RAPGEF6: variants seen among roughly 807,000 people sequenced by gnomAD.
RAPGEF6 encodes the protein PDZ domain containing guanine nucleotide exchange factor (GEF) 2.
A neutral mutation model predicts 171.4 loss-of-function variants in RAPGEF6; 56 were observed. That is an observed-to-expected ratio of 0.33 (90% CI 0.26 to 0.41). The LOEUF is 0.41. Among genes scored for constraint, RAPGEF6 ranks in the 10% least tolerant of loss-of-function variants. RAPGEF6 has a pLI of 1.00. For missense variants in RAPGEF6, 1,674 were observed against 1,921.4 expected, an observed-to-expected ratio of 0.87 and a Z score of 2.41; for synonymous variants, 692 against 650.1, an observed-to-expected ratio of 1.06 and a Z score of -0.98.
intron 13 of RAPGEF6, among the ~76,000 whole-genome samples, chr5:131,493,129 A>C (rs2149874952): frequency 6.6e-6 from 1 of 152,150 alleles, no homozygotes; most frequent in East Asian, 1.9e-4. Flanking sequence ...CAGTGGCGCG[A>C]TCTCGACTCA....
intron 1 of RAPGEF6, among the ~76,000 whole-genome samples, chr5:131,621,198 T>A (rs1354979291): frequency 2.2e-4 from 34 of 152,244 alleles, no homozygotes; most frequent in Admixed American, 2.2e-3. Context: ...AGAGCCTTTG[T>A]GGATATCAAA....
Position 131,552,521 on chromosome 5 carries a change from C to T in RAPGEF6, c.352-4331G>A, listed in dbSNP as rs189909642. Reference sequence around the variant, plus strand: ...TGTCACCCAGGCTGGAGTGCAATGGCGCAATCTTGGCCCACTGCAACCTTC... The same window carrying T: ...TGTCACCCAGGCTGGAGTGCAATGGTGCAATCTTGGCCCACTGCAACCTTC... On this transcript the variant is annotated intron_variant, in intron 5 of 27. Transcript: ENST00000509018. 3.2e-4 allele frequency among the ~76,000 whole-genome samples: 48 copies of T among 149,458 alleles called. No homozygotes were observed. The East Asian group carries it at 6.9e-3, about 21-fold the overall frequency.
At chr5:131,511,109 A>AAT (rs1473531120) in intron 7 of RAPGEF6, among the ~76,000 whole-genome samples, 4 of 152,236 alleles carry the variant, frequency 2.6e-5, no homozygotes, top group Non-Finnish European at 5.9e-5. Flanking sequence ...GAACTCTATA[A>AAT]AATGACCTTA....
At chr5:131,634,877 G>C (rs894405826) in intron 1 of RAPGEF6, 85 bp downstream of exon 1, 1 of 1,467,160 alleles carries the variant, frequency 6.8e-7, no homozygotes, top group African/African-American at 1.4e-5. Flanking sequence ...ACTCTGGCAA[G>C]AGGGCAGTCG....
chr5:131,524,586 A>G (rs568809823), intron 6 of RAPGEF6, among the ~76,000 whole-genome samples: 4 of 137,242 alleles, frequency 2.9e-5, no homozygotes, highest in African/African-American at 1.1e-4. Flanking sequence ...AGAGAGAGGG[A>G]GAGGGAGGGG....
intron 15 of RAPGEF6, 123 bp from the exon 16 acceptor site, chr5:131,479,876 A>G (rs1174347202): frequency 6.1e-6 from 6 of 985,700 alleles, no homozygotes; most frequent in Non-Finnish European, 8.9e-6. Flanking sequence ...GTCTCATTCA[A>G]CTAAACACTG....
chr5:131,528,346 CACACACAT>C (rs1400704681), intron 6 of RAPGEF6, among the ~76,000 whole-genome samples: 2 of 61,444 alleles, frequency 3.3e-5, no homozygotes, highest in African/African-American at 1.1e-4. Context: ...TATACACACA[CACACACAT>C]ATATATATAT....
chr5:131,427,880 G>A (rs543959128), intron 27 of RAPGEF6, among the ~76,000 whole-genome samples: 1 of 152,240 alleles, frequency 6.6e-6, no homozygotes, highest in African/African-American at 2.4e-5. Context: ...GACTGAGGCT[G>A]GCAGATTGCT....
intron 6 of RAPGEF6, among the ~76,000 whole-genome samples, chr5:131,523,278 GCTTT>G (rs1479875601): frequency 2.4e-5 from 2 of 82,272 alleles, no homozygotes; most frequent in Admixed American, 1.2e-4. Flanking sequence ...TCTGTTGTAT[GCTTT>G]TTTTTTTTTT....
chr5:131,463,667 T>A (rs1396805516), intron 18 of RAPGEF6: 2 of 836,914 alleles, frequency 2.4e-6, no homozygotes, highest in East Asian at 1.2e-4. Flanking sequence ...CATTTTAAAA[T>A]TTTTAAAATT....
intron 17 of RAPGEF6, among the ~76,000 whole-genome samples, chr5:131,464,514 A>G (rs1037524397): frequency 6.6e-5 from 10 of 151,902 alleles, no homozygotes; most frequent in Non-Finnish European, 1.5e-4. Context: ...CATACTATAT[A>G]TATGGTTTGG....
chr5:131,621,736 A>G (rs954629831), intron 1 of RAPGEF6, among the ~76,000 whole-genome samples: 1 of 152,174 alleles, frequency 6.6e-6, no homozygotes, highest in Non-Finnish European at 1.5e-5. Flanking sequence ...CACAACGATC[A>G]TGGGCCTAAC....
intron 6 of RAPGEF6, among the ~76,000 whole-genome samples, chr5:131,545,349 T>C (rs1406485508): frequency 6.6e-6 from 1 of 152,108 alleles, no homozygotes; most frequent in African/African-American, 2.4e-5. Context: ...TTAACATCTT[T>C]AATTTTTTTT....
intron 1 of RAPGEF6, among the ~76,000 whole-genome samples, chr5:131,621,105 T>C (rs1765567850): frequency 6.6e-6 from 1 of 152,200 alleles, no homozygotes; most frequent in South Asian, 2.1e-4. Context: ...CATATGCTGT[T>C]ACCCTTTCAA....
At chr5:131,508,617 A>G (rs939498614) in intron 8 of RAPGEF6, among the ~76,000 whole-genome samples, 2 of 152,222 alleles carry the variant, frequency 1.3e-5, no homozygotes, top group African/African-American at 2.4e-5. Flanking sequence ...AAAATCCAAA[A>G]AGTAATTAAA....
At chr5:131,559,289 A>G (rs1355028098) in intron 5 of RAPGEF6, among the ~76,000 whole-genome samples, 1 of 152,180 alleles carries the variant, frequency 6.6e-6, no homozygotes, top group East Asian at 1.9e-4. Context: ...AGATTATGCC[A>G]CTGCACCCCA....
At chr5:131,563,165 A>T (rs905287043) in intron 4 of RAPGEF6, among the ~76,000 whole-genome samples, 5 of 152,164 alleles carry the variant, frequency 3.3e-5, no homozygotes, top group Admixed American at 2.0e-4. Context: ...CAAAAGTATT[A>T]TCATATATGA....
At chr5:131,469,875 C>T in intron 17 of RAPGEF6, 1 of 1,361,800 alleles carries the variant, frequency 7.3e-7, no homozygotes, top group South Asian at 1.3e-5. Flanking sequence ...ACTTACAGTT[C>T]TGTAGCTTTG....
At chr5:131,605,882 T>C (rs1764529174) in intron 1 of RAPGEF6, among the ~76,000 whole-genome samples, 1 of 151,480 alleles carries the variant, frequency 6.6e-6, no homozygotes, top group Non-Finnish European at 1.5e-5. Flanking sequence ...TACAAAAAAT[T>C]AGCCGGGTAT....
Sources: gnomAD v4.1 joint callset for allele counts (sites outside exome capture counted in the v4.1 genomes callset) on GRCh38, gnomAD v4.1.1 for gene constraint, MANE v1.5 for transcripts, NCBI Gene and HGNC (gene_info 2026-07-23, HGNC 2026-07-21) for gene names.